SLC4A10: variants seen among roughly 807,000 people sequenced by gnomAD.
The protein encoded by SLC4A10 is sodium-driven chloride bicarbonate exchanger.
In SLC4A10, 42 loss-of-function variants were observed where a neutral mutation model predicts 137.7. That is an observed-to-expected ratio of 0.30 (90% CI 0.24 to 0.39). The LOEUF (loss-of-function observed/expected upper bound fraction) is 0.39, where lower values mean the gene tolerates loss of function less well. Among genes scored for constraint, SLC4A10 ranks in the 10% least tolerant of loss-of-function variants. The pLI, the probability that SLC4A10 is intolerant of heterozygous loss-of-function variation, is 1.00. For synonymous variants in SLC4A10, 474 were observed against 464.1 expected (o/e 1.02, Z -0.27); for missense variants, 925 against 1,355.0 (o/e 0.68, Z 4.98).
intron 2 of SLC4A10, among the ~76,000 whole-genome samples, chr2:161,779,308 C>T (rs531557973): frequency 6.6e-6 from 1 of 152,064 alleles, no homozygotes; most frequent in African/African-American, 2.4e-5. Flanking sequence ...TCCCACTAGG[C>T]TCCACCTCCC....
chr2:161,762,692 C>T (rs549544901), intron 1 of SLC4A10, among the ~76,000 whole-genome samples: 17 of 152,066 alleles, frequency 1.1e-4, no homozygotes, highest in African/African-American at 2.9e-4. Context: ...AGTAGTGAAA[C>T]ATTATTAAAT....
At chr2:161,821,554 A>T (rs561235114) in intron 3 of SLC4A10, among the ~76,000 whole-genome samples, 65 of 152,318 alleles carry the variant, frequency 4.3e-4, no homozygotes, top group Non-Finnish European at 5.4e-4. Context: ...GCTTGAGCCC[A>T]GGAGTTCAGG....
chr2:161,864,666 C>A (rs2060629022), intron 6 of SLC4A10, among the ~76,000 whole-genome samples: 1 of 152,052 alleles, frequency 6.6e-6, no homozygotes, highest in African/African-American at 2.4e-5. Flanking sequence ...ATGGTGAATA[C>A]CAACTTGTGT....
At chr2:161,859,634 T>C (rs1292354195) in intron 5 of SLC4A10, among the ~76,000 whole-genome samples, 1 of 136,496 alleles carries the variant, frequency 7.3e-6, no homozygotes. Flanking sequence ...GGAGTCTTGC[T>C]TTGTCTCCCA....
At chr2:161,639,619 C>T (rs757715489) in intron 1 of SLC4A10, among the ~76,000 whole-genome samples, 4 of 152,046 alleles carry the variant, frequency 2.6e-5, no homozygotes, top group Admixed American at 6.6e-5. Flanking sequence ...AAGGAACATA[C>T]CTTAACACAA....
chr2:161,896,692 C>T (rs942293322), intron 11 of SLC4A10, among the ~76,000 whole-genome samples: 6 of 152,010 alleles, frequency 3.9e-5, no homozygotes, highest in African/African-American at 1.4e-4. Context: ...TTTACAATAG[C>T]ATAACCCATC....
rs544559438 is a variant in SLC4A10, at chr2:161,679,057, A to C, written c.48+54491A>C. 2.0e-5 allele frequency among the ~76,000 whole-genome samples: 3 copies of C among 152,068 alleles called. No homozygotes were observed. In the East Asian group the frequency reaches 5.8e-4, roughly 29 times the overall value. On this transcript the variant is annotated intron_variant, in intron 1 of 26. Transcript: ENST00000446997. Reference sequence around the variant, plus strand: ...ATAGTTTTCCAAAGTGGTTTTATCAATTTACTTTCTCACCAGTAATCTGTG... The same window carrying C: ...ATAGTTTTCCAAAGTGGTTTTATCACTTTACTTTCTCACCAGTAATCTGTG...
At chr2:161,899,069 T>C (rs1433282405) in intron 11 of SLC4A10, among the ~76,000 whole-genome samples, 1 of 152,052 alleles carries the variant, frequency 6.6e-6, no homozygotes, top group Non-Finnish European at 1.5e-5. Context: ...GCTACATGCA[T>C]CCACATACTC....
At chr2:161,831,980 A>G (rs2084545) in intron 3 of SLC4A10, among the ~76,000 whole-genome samples, 10,272 of 152,224 alleles carry the variant, frequency 0.067, 455 homozygotes, top group East Asian at 0.17. Flanking sequence ...AAGTATGTTT[A>G]TATCGTGAAC....
chr2:161,912,702 T>C (rs181487824), intron 15 of SLC4A10, among the ~76,000 whole-genome samples: 164 of 152,258 alleles, frequency 1.1e-3, no homozygotes, highest in Non-Finnish European at 1.9e-3. Flanking sequence ...TCAACACTGA[T>C]GCTTTGCTGA....
intron 1 of SLC4A10, among the ~76,000 whole-genome samples, chr2:161,722,928 C>T (rs1424057279): frequency 1.3e-5 from 2 of 152,160 alleles, no homozygotes; most frequent in Non-Finnish European, 2.9e-5. Flanking sequence ...GATCCAAATC[C>T]GACCTAAAGA....
chr2:161,712,330 G>A (rs1238608324), intron 1 of SLC4A10, among the ~76,000 whole-genome samples: 1 of 151,566 alleles, frequency 6.6e-6, no homozygotes, highest in Non-Finnish European at 1.5e-5. Flanking sequence ...AGGACTTTGG[G>A]AAAATTTAAC....
In SLC4A10 at chr2:161,872,329, G is replaced by A; in HGVS notation, c.803G>A (p.Cys268Tyr). ...GTTTCTCCTCAGTCTGCTCCAGCCT[G>A]TGTTGAAAATAAAAATGATGTTAGC... Reference protein sequence around the residue: ...QVVSPQSAPACVENKNDVSRE... With the variant: ...QVVSPQSAPAYVENKNDVSRE... The change falls in exon 7 of 27, where the codon TGT (cysteine) becomes TAT (tyrosine). Residue 268 changes from cysteine (C) to tyrosine (Y), a missense_variant. Physicochemically the swap from Cys to Tyr is radical, Grantham distance 194. Transcript: ENST00000446997. 6.2e-7 allele frequency: 1 copy of A among 1,613,688 alleles called. No individual in the cohort carries two copies. Among genetic ancestry groups the A allele is most frequent in the Non-Finnish European group, 8.5e-7 (1 of 1,179,748 alleles).
intron 1 of SLC4A10, among the ~76,000 whole-genome samples, chr2:161,668,345 T>C (rs1325926842): frequency 6.6e-6 from 1 of 151,820 alleles, no homozygotes; most frequent in Non-Finnish European, 1.5e-5. Context: ...GATAGCTGTT[T>C]GAAATGATCT....
At chr2:161,756,384 A>G (rs2049650412) in intron 1 of SLC4A10, among the ~76,000 whole-genome samples, 1 of 152,220 alleles carries the variant, frequency 6.6e-6, no homozygotes. Flanking sequence ...TTTGAGAAGT[A>G]TGAATATGAC....
At chr2:161,933,184 TTTC>T (rs1559564741) in intron 15 of SLC4A10, among the ~76,000 whole-genome samples, 135 of 10,136 alleles carry the variant, frequency 0.013, no homozygotes, top group Middle Eastern at 0.045. Flanking sequence ...CCTTCCTTCT[TTTC>T]TTTCTTTCTT....
chr2:161,737,467 G>A (rs558749074), intron 1 of SLC4A10, among the ~76,000 whole-genome samples: 1 of 151,544 alleles, frequency 6.6e-6, no homozygotes, highest in East Asian at 1.9e-4. Context: ...ATGTTTAGTG[G>A]ATGTAGTTTT....
chr2:161,786,655 C>T (rs553608180), intron 2 of SLC4A10, among the ~76,000 whole-genome samples: 7 of 144,560 alleles, frequency 4.8e-5, no homozygotes, highest in South Asian at 2.2e-4. Flanking sequence ...TTAATATTGA[C>T]GTGAAATTTT....
intron 1 of SLC4A10, among the ~76,000 whole-genome samples, chr2:161,741,712 T>G (rs1033350342): frequency 2.0e-5 from 3 of 152,202 alleles, no homozygotes; most frequent in Non-Finnish European, 4.4e-5. Context: ...GGTGTATATA[T>G]TTATGGGGTA....
Sources: gnomAD v4.1 joint callset for allele counts (sites outside exome capture counted in the v4.1 genomes callset) on GRCh38, gnomAD v4.1.1 for gene constraint, MANE v1.5 for transcripts, NCBI Gene and HGNC (gene_info 2026-07-23, HGNC 2026-07-21) for gene names.